The following BCL11A variants were observed in gnomAD, a reference collection of about 807,000 sequenced individuals.
BCL11A encodes the protein BCL11 transcription factor A, also known as B cell CLL/lymphoma 11A.
Under a neutral mutation model 55.9 loss-of-function variants are expected in BCL11A, and 2 were observed. The ratio of observed to expected loss-of-function variants is 0.04; its 90% confidence interval spans 0.01 to 0.11. BCL11A has a LOEUF of 0.11. Ranked by LOEUF, BCL11A falls within the 10% of genes least tolerant of loss-of-function variation. The probability of loss-of-function intolerance (pLI) is 1.00; values close to 1 mark genes in which losing one functional copy is unlikely to be tolerated. For synonymous variants in BCL11A, 465 were observed against 473.4 expected (o/e 0.98, Z 0.23); for missense variants, 817 against 1,137.1 (o/e 0.72, Z 4.05).
chr2:60,486,343 CCTTCT>C (rs1257124414), intron 2 of BCL11A, among the ~76,000 whole-genome samples: 1 of 152,216 alleles, frequency 6.6e-6, no homozygotes, highest in Non-Finnish European at 1.5e-5. Flanking sequence ...AACTTTGCCT[CCTTCT>C]CACACAATGA....
intron 2 of BCL11A, among the ~76,000 whole-genome samples, chr2:60,539,267 C>T (rs1669811228): frequency 6.6e-6 from 1 of 152,216 alleles, no homozygotes; most frequent in Non-Finnish European, 1.5e-5. Context: ...CTGAGCGGCA[C>T]CTGAGAGCTC....
At chr2:60,536,745 C>A (rs1236785346) in intron 2 of BCL11A, 1 of 152,172 alleles carries the variant, frequency 6.6e-6, no homozygotes, top group Non-Finnish European at 1.5e-5. Context: ...ATATAGGAAG[C>A]CTTGAGATAT....
At position 60,459,811 on chromosome 2, in the gene BCL11A, A is replaced by T. The variant is rs1462602333; in HGVS notation, c.*593T>A. 2.9e-6 allele frequency: 3 copies of T among 1,042,926 alleles called. No homozygotes were observed. The highest frequency in any genetic ancestry group is 3.5e-6 in the Non-Finnish European group (3 of 865,210). The allele number at this position is 1,042,926 out of a possible 1,614,324, so 64.6% of individuals were successfully genotyped here. A position where few individuals can be genotyped will look rare whatever the true frequency, so the allele number is the denominator to read the frequency against. On this transcript the variant is annotated 3_prime_UTR_variant, in exon 4 of 4. Transcript: ENST00000642384. ...AGAGACAGACATTTAGCTCATAGAG[A>T]TTTTTTTTCAGTGCTATCTATTCTG... is the stretch of plus-strand genomic sequence containing the variant.
rs1375871396 is a variant in BCL11A at position 60,507,228 on chromosome 2, A to G, written c.386-38395T>C. 5.5e-5 allele frequency among the ~76,000 whole-genome samples: 3 copies of G among 54,860 alleles called. 1 individual carries two copies. Among genetic ancestry groups the G allele is most frequent in the Admixed American group, 1.6e-4 (1 of 6,392 alleles). The allele number at this position is 54,860 out of a possible 152,430, so 36.0% of individuals were successfully genotyped here. ...GAAGAAAGGAAGGAAGGAAGGAAGG[A>G]AGGAAGGGAGGGAGGGAGGGGAGGG... On this transcript the variant is annotated intron_variant, in intron 2 of 3. Coordinates refer to ENST00000642384, the MANE Select transcript of BCL11A (RefSeq NM_022893.4).
At chr2:60,467,256 T>C (rs1176228901) in intron 3 of BCL11A, among the ~76,000 whole-genome samples, 4 of 116,672 alleles carry the variant, frequency 3.4e-5, no homozygotes, top group African/African-American at 7.1e-5. Flanking sequence ...GTGGTAATGG[T>C]GGTGGTGGTG....
chr2:60,538,022 T>A (rs1669748360), intron 2 of BCL11A: 1 of 152,202 alleles, frequency 6.6e-6, no homozygotes, highest in Admixed American at 6.5e-5. Flanking sequence ...TCCCCAGGTA[T>A]CCCCTTCATC....
chr2:60,457,570 G>C lies in BCL11A; in HGVS notation c.*2834C>G. 2 of 1,045,916 alleles carry C rather than the reference G, an allele frequency of 1.9e-6. No individual in the cohort carries two copies. Among genetic ancestry groups the C allele is most frequent in the Non-Finnish European group, 2.3e-6 (2 of 867,012 alleles). 64.8% of individuals were successfully genotyped at this position (1,045,916 alleles called of 1,614,324 possible). A position where few individuals can be genotyped will look rare whatever the true frequency, so the allele number is the denominator to read the frequency against. On this transcript the variant is annotated 3_prime_UTR_variant, in exon 4 of 4. Coordinates refer to ENST00000642384, the MANE Select transcript of BCL11A (RefSeq NM_022893.4). ...CATTTACAAAAAAGTATTGACTAAA[G>C]CGGGCTTTCTCTTTAATATGCTTTG...
chr2:60,540,992 G>GTGTGTGTGTGT (rs1371737091), intron 2 of BCL11A, among the ~76,000 whole-genome samples: 2 of 135,870 alleles, frequency 1.5e-5, no homozygotes, highest in African/African-American at 2.8e-5. Context: ...GTGTGTGTGT[G>GTGTGTGTGTGT]GTTATTTTGT....
intron 2 of BCL11A, chr2:60,527,105 G>C (rs2104600504): frequency 6.6e-6 from 1 of 152,254 alleles, no homozygotes; most frequent in Middle Eastern, 3.4e-3. Flanking sequence ...CACTTGGCCT[G>C]AAGGGTCACC....
chr2:60,459,747 C>T lies in BCL11A; in HGVS notation c.*657G>A, dbSNP rs1381829377. The T allele has an allele frequency of 3.8e-6, 4 of 1,039,526 alleles. No homozygotes were observed. The East Asian group carries it at 1.8e-4, about 46-fold the overall frequency. The allele number at this position is 1,039,526 out of a possible 1,614,324, so 64.4% of individuals were successfully genotyped here. A position where few individuals can be genotyped will look rare whatever the true frequency, so the allele number is the denominator to read the frequency against. ...TTTCTGTTAATTTGTCAATTCAAGG[C>T]CTTTTTTCTTCCTTTCCAATTGATA... On this transcript the variant is annotated 3_prime_UTR_variant, in exon 4 of 4. Transcript: ENST00000642384.
At chr2:60,452,543 G>T, downstream of BCL11A, 1 of 1,568,280 alleles carries the variant, frequency 6.4e-7, no homozygotes, top group Non-Finnish European at 8.8e-7. Context: ...GGCGGCACGC[G>T]TCCACCCCAC....
chr2:60,532,571 G>GA (rs557656106), intron 2 of BCL11A, among the ~76,000 whole-genome samples: 18 of 150,420 alleles, frequency 1.2e-4, no homozygotes, highest in African/African-American at 4.1e-4. Context: ...TGGCGAAAAA[G>GA]AAAAAAAAGG....
intron 2 of BCL11A, among the ~76,000 whole-genome samples, chr2:60,509,416 C>T (rs1679852297): frequency 6.6e-6 from 1 of 152,160 alleles, no homozygotes; most frequent in African/African-American, 2.4e-5. Flanking sequence ...ACAGCAGAGC[C>T]ACACGGACGT....
chr2:60,521,206 C>T (rs1347164109), intron 2 of BCL11A, among the ~76,000 whole-genome samples: 1 of 152,136 alleles, frequency 6.6e-6, no homozygotes, highest in African/African-American at 2.4e-5. Flanking sequence ...GCCAAACCAG[C>T]CTAAAATTTA....
intron 2 of BCL11A, among the ~76,000 whole-genome samples, chr2:60,519,056 G>A (rs1455759170): frequency 6.6e-6 from 1 of 152,132 alleles, no homozygotes; most frequent in African/African-American, 2.4e-5. Flanking sequence ...GACAGAAGTG[G>A]GATTTTTCAA....
chr2:60,536,343 C>A (rs1669668813), intron 2 of BCL11A: 1 of 152,112 alleles, frequency 6.6e-6, no homozygotes, highest in South Asian at 2.1e-4. Context: ...GGTACTACCC[C>A]CTGATTTCTT....
chr2:60,467,156 G>GTGGTAGTGA lies in BCL11A; in HGVS notation c.487+1575_487+1576insTCACTACCA, dbSNP rs1558618300. Among the ~76,000 whole-genome samples the GTGGTAGTGA allele has an allele frequency of 5.9e-5, 8 of 134,554 alleles. No homozygotes were observed. The East Asian group carries it at 1.7e-3, about 28-fold the overall frequency. The allele number at this position is 134,554 out of a possible 152,430, so 88.3% of individuals were successfully genotyped here. A position where few individuals can be genotyped will look rare whatever the true frequency, so the allele number is the denominator to read the frequency against. ...GGTGGTGTTGGTGGTGATGGTGGTG[G>GTGGTAGTGA]TGGTGGTGGTGATGGTGGTGGTGGT... On this transcript the variant is annotated intron_variant, in intron 3 of 3. Coordinates refer to ENST00000642384, the MANE Select transcript of BCL11A (RefSeq NM_022893.4).
upstream of BCL11A, chr2:60,553,756 G>A (rs909798935): frequency 1.4e-5 from 2 of 140,134 alleles, no homozygotes; most frequent in Non-Finnish European, 3.1e-5. Flanking sequence ...AAAGAGACCA[G>A]GACAAGCCAA....
chr2:60,500,498 G>A (rs901692302), intron 2 of BCL11A, among the ~76,000 whole-genome samples: 4 of 152,306 alleles, frequency 2.6e-5, no homozygotes, highest in Admixed American at 6.5e-5. Context: ...CCAAGAGCCA[G>A]GGAAGGAAGG....
Sources: gnomAD v4.1 joint callset for allele counts (sites outside exome capture counted in the v4.1 genomes callset) on GRCh38, gnomAD v4.1.1 for gene constraint, MANE v1.5 for transcripts, NCBI Gene and HGNC (gene_info 2026-07-23, HGNC 2026-07-21) for gene names.